TNS1: variants seen among roughly 807,000 people sequenced by gnomAD.
TNS1 encodes the protein tensin 1.
In TNS1, 62 loss-of-function variants were observed where a neutral mutation model predicts 168.6. The observed-to-expected ratio is 0.37, with a 90% CI of 0.30 to 0.45. TNS1 has a LOEUF of 0.45. Among genes scored for constraint, TNS1 ranks in the 20% least tolerant of loss-of-function variants. The pLI is 1.00. For missense variants in TNS1, 2,240 were observed against 2,339.4 expected, an observed-to-expected ratio of 0.96 and a Z score of 0.88; for synonymous variants, 934 against 933.2, an observed-to-expected ratio of 1.00 and a Z score of -0.02.
Position 217,818,466 on chromosome 2 carries a change from A to G in TNS1, c.3866T>C (p.Val1289Ala). Reference protein sequence around the residue: ...PGSPQARHRTVGTNTPPSPGF... With the variant: ...PGSPQARHRTAGTNTPPSPGF... ...AGGACTAGGGGGAGTGTTGGTGCCC[A>G]CTGTTCTGTGGCGCGCCTGAGGGCT... is the stretch of plus-strand genomic sequence containing the variant. Residue 1289 changes from valine to alanine, a missense_variant, in exon 24 of 33, where the codon GTG becomes GCG. This residue lies in a region of TNS1 where 2,131 missense variants were observed against 2,171.2 expected (regional missense o/e 0.98). Transcript: ENST00000682258. 4 of 1,614,184 alleles carry G rather than the reference A, an allele frequency of 2.5e-6. No individual in the cohort carries two copies. The highest frequency in any genetic ancestry group is 3.4e-6 in the Non-Finnish European group (4 of 1,180,020).
chr2:218,032,370 AG>A lies in TNS1; in HGVS notation c.156+1449del, dbSNP rs1958905279. Among the ~76,000 whole-genome samples, 1 of 152,174 alleles carries A rather than the reference AG, an allele frequency of 6.6e-6. No individual in the cohort carries two copies. The highest frequency in any genetic ancestry group is 2.4e-5 in the African/African-American group (1 of 41,438). ...CTTGTGGAGGAGGAGGCAGCATGAC[AG>A]GGGAAGGGGGCGATGTGGCCTGGGT... On this transcript the variant is annotated intron_variant, in intron 1 of 1. Transcript: ENST00000649572. This position sits in a 1 kb window ranked among gnomAD's most constrained non-coding sequence, Gnocchi z 4.0.
intron 1 of TNS1, among the ~76,000 whole-genome samples, chr2:218,008,294 C>T (rs1262800124): frequency 6.6e-6 from 1 of 152,214 alleles, no homozygotes; most frequent in African/African-American, 2.4e-5. Context: ...GCAGCTGCAG[C>T]TGCTCATCCA....
At chr2:217,831,601 A>G in intron 21 of TNS1, 54 bp from the exon 22 acceptor site, 1 of 1,379,316 alleles carries the variant, frequency 7.2e-7, no homozygotes, top group Non-Finnish European at 9.5e-7. Context: ...GCAGGAGGGC[A>G]GACACGCCAG....
At position 217,981,148 on chromosome 2, in the gene TNS1, A is replaced by T. The variant is rs139258852; in HGVS notation, c.149-2346T>A. Among the ~76,000 whole-genome samples, 65 of 152,270 alleles carry T rather than the reference A, an allele frequency of 4.3e-4. No homozygotes were observed. The East Asian group carries it at 0.012, about 28-fold the overall frequency. Reference sequence around the variant, plus strand: ...ACAGTGTCTGCTTCAGGCCCATGAGACCATACAGCATCTTTGTGCAAACTA... The same window carrying T: ...ACAGTGTCTGCTTCAGGCCCATGAGTCCATACAGCATCTTTGTGCAAACTA... On this transcript the variant is annotated intron_variant, in intron 2 of 32. Coordinates refer to ENST00000682258, the MANE Select transcript of TNS1 (RefSeq NM_001387777.1).
At chr2:217,843,575 C>T (rs1268797196) in intron 19 of TNS1, among the ~76,000 whole-genome samples, 2 of 152,170 alleles carry the variant, frequency 1.3e-5, no homozygotes, top group Admixed American at 6.5e-5. Flanking sequence ...CCAACACGCA[C>T]TAAAAATATG....
intron 3 of TNS1, among the ~76,000 whole-genome samples, chr2:217,954,095 C>A (rs187309828): frequency 6.6e-6 from 1 of 152,300 alleles, no homozygotes; most frequent in African/African-American, 2.4e-5. Flanking sequence ...GGCTAATAAG[C>A]CCGCCAGGCT....
chr2:217,970,857 T>C (rs10168448), intron 3 of TNS1, among the ~76,000 whole-genome samples: 3,805 of 152,070 alleles, frequency 0.025, 150 homozygotes, highest in South Asian at 0.11. Flanking sequence ...TTGTACACTT[T>C]AAATGGGCGT....
chr2:217,834,875 G>A (rs563986092), intron 21 of TNS1, among the ~76,000 whole-genome samples: 3 of 152,282 alleles, frequency 2.0e-5, no homozygotes, highest in Admixed American at 6.5e-5. Context: ...AAACTGGGGC[G>A]GCTGCACCCT....
rs1351342992 is a variant in TNS1, at chr2:217,813,493, C to T, written c.4862-186G>A. ...CTGCTCTCCCACCCCTCAGGAAACA[C>T]ATGGCAGGCACCCAATCGTCCTGCT... On this transcript the variant is annotated intron_variant, in intron 26 of 32. Coordinates refer to ENST00000682258, the MANE Select transcript of TNS1 (RefSeq NM_001387777.1). This position sits in a 1 kb window ranked among gnomAD's most constrained non-coding sequence, Gnocchi z 4.0. Among the ~76,000 whole-genome samples the T allele has an allele frequency of 3.9e-5, 6 of 152,184 alleles. No individual in the cohort carries two copies. The highest frequency in any genetic ancestry group is 3.9e-4 in the Admixed American group (6 of 15,290).
At chr2:217,879,231 T>C (rs1950468040) in intron 18 of TNS1, 1 of 302,250 alleles carries the variant, frequency 3.3e-6, no homozygotes, top group South Asian at 2.4e-5. Flanking sequence ...GTTTACTAAA[T>C]GTTTTTACAT....
chr2:217,853,372 A>G (rs1223440487), intron 18 of TNS1, among the ~76,000 whole-genome samples: 1 of 152,178 alleles, frequency 6.6e-6, no homozygotes, highest in Admixed American at 6.5e-5. Flanking sequence ...AGGGGAATGC[A>G]TCTCAGATGA....
intron 3 of TNS1, among the ~76,000 whole-genome samples, chr2:217,952,673 G>A (rs529208657): frequency 3.0e-4 from 45 of 152,294 alleles, no homozygotes; most frequent in Admixed American, 1.6e-3. Flanking sequence ...TGACCTTTAC[G>A]CTGGTAGGCT....
At chr2:217,868,816 C>T (rs1044656460) in intron 18 of TNS1, among the ~76,000 whole-genome samples, 6 of 152,232 alleles carry the variant, frequency 3.9e-5, no homozygotes, top group African/African-American at 1.4e-4. Context: ...CAAGGATCTT[C>T]CCATCTAAAG....
intron 3 of TNS1, among the ~76,000 whole-genome samples, chr2:217,934,158 C>G (rs771607449): frequency 6.6e-6 from 1 of 152,160 alleles, no homozygotes; most frequent in Non-Finnish European, 1.5e-5. Flanking sequence ...CCCAGGACAG[C>G]CAGACTGCAA....
rs544228607 is a variant in TNS1, at chr2:217,957,760, C to T, written c.186+21005G>A. ...TTATGGTAATGTTAAAATAAAAAGT[C>T]CTTATCTATTAAAGATGCATACTGA... On this transcript the variant is annotated intron_variant, in intron 3 of 32. Coordinates refer to ENST00000682258, the MANE Select transcript of TNS1 (RefSeq NM_001387777.1). Among the ~76,000 whole-genome samples the T allele has an allele frequency of 2.0e-5, 3 of 149,528 alleles. No homozygotes were observed. The East Asian group carries it at 5.9e-4, about 29-fold the overall frequency.
intron 32 of TNS1, among the ~76,000 whole-genome samples, chr2:217,807,104 C>A (rs13406815): frequency 0.033 from 5,039 of 152,254 alleles, 298 homozygotes; most frequent in African/African-American, 0.12. Flanking sequence ...TAACACTGAA[C>A]GTTTTGTTTT....
chr2:217,953,061 G>A (rs77932562), intron 3 of TNS1, among the ~76,000 whole-genome samples: 2,404 of 152,338 alleles, frequency 0.016, 33 homozygotes, highest in Non-Finnish European at 0.027. Flanking sequence ...CCCAGGAGAG[G>A]AGATGCTGGC....
Position 217,813,328 on chromosome 2 carries a change from T to C in TNS1, c.4862-21A>G. 1 of 1,542,580 alleles carries C rather than the reference T, an allele frequency of 6.5e-7. No homozygotes were observed. Among genetic ancestry groups the C allele is most frequent in the Non-Finnish European group, 8.8e-7 (1 of 1,133,834 alleles). ...GTCTCCTGGGACAAAGAGAAAGAAA[T>C]AAGGCTCAGTCCCTGCCCATGGCTT... is the stretch of plus-strand genomic sequence containing the variant. On this transcript the variant is annotated intron_variant, in intron 26 of 32. Coordinates refer to ENST00000682258, the MANE Select transcript of TNS1 (RefSeq NM_001387777.1). This position sits in a 1 kb window ranked among gnomAD's most constrained non-coding sequence, Gnocchi z 4.0.
At position 217,948,884 on chromosome 2, in the gene TNS1, A is replaced by G. The variant is rs959701060; in HGVS notation, c.187-28648T>C. 6.6e-6 allele frequency among the ~76,000 whole-genome samples: 1 copy of G among 151,558 alleles called. No individual in the cohort carries two copies. Among genetic ancestry groups the G allele is most frequent in the Non-Finnish European group, 1.5e-5 (1 of 67,920 alleles). The stretch of plus-strand genomic sequence containing the variant: ...CACAGCGCCAGGCCCTTTGCTGCAC[A>G]TCCCCACCTCGGGAAGGAGAAGTGC... On this transcript the variant is annotated intron_variant, in intron 3 of 32. Transcript: ENST00000682258. This position sits in a 1 kb window ranked among gnomAD's most constrained non-coding sequence, Gnocchi z 4.1.
Sources: allele counts gnomAD v4.1 joint callset (sites outside exome capture counted in the v4.1 genomes callset), GRCh38; gene constraint gnomAD v4.1.1; regional missense constraint gnomAD v4.1.1; non-coding constraint Gnocchi (gnomAD v3.1); transcripts MANE v1.5; gene names NCBI Gene and HGNC (gene_info 2026-07-23, HGNC 2026-07-21).